Variants in SMOC1 observed in about 807,000 individuals in gnomAD.
SMOC1 encodes SPARC related modular calcium binding 1.
A neutral mutation model predicts 56.3 loss-of-function variants in SMOC1; 22 were observed. That is an observed-to-expected ratio of 0.39 (90% confidence interval 0.28 to 0.56). The LOEUF (loss-of-function observed/expected upper bound fraction) is 0.56, where lower values mean the gene tolerates loss of function less well. Ranked by LOEUF, SMOC1 falls within the 20% of genes least tolerant of loss-of-function variation. SMOC1 has a pLI of 0.61. For missense variants in SMOC1, 509 were observed against 565.4 expected (o/e 0.90, Z 1.01); for synonymous variants, 193 against 215.0 (o/e 0.90, Z 0.89).
At chr14:70,028,359 G>A (rs1886008651) in intron 11 of SMOC1, among the ~76,000 whole-genome samples, 1 of 152,158 alleles carries the variant, frequency 6.6e-6, no homozygotes, top group Non-Finnish European at 1.5e-5. Flanking sequence ...CATCCTCCCT[G>A]ATGGCTCAGA....
chr14:69,940,726 C>T (rs1387138092), intron 1 of SMOC1, among the ~76,000 whole-genome samples: 1 of 152,126 alleles, frequency 6.6e-6, no homozygotes, highest in Non-Finnish European at 1.5e-5. Flanking sequence ...CTTGTTAATA[C>T]CATCAGCTTA....
At chr14:69,967,594 G>T (rs897438458) in intron 3 of SMOC1, among the ~76,000 whole-genome samples, 4 of 152,196 alleles carry the variant, frequency 2.6e-5, no homozygotes, top group Non-Finnish European at 5.9e-5. Flanking sequence ...CTCTGCAAAA[G>T]GTAGGGGAAA....
At chr14:69,979,604 G>A (rs193193948) in intron 5 of SMOC1, among the ~76,000 whole-genome samples, 3,009 of 151,984 alleles carry the variant, frequency 0.02, 88 homozygotes, top group African/African-American at 0.069. Flanking sequence ...GTGTGTGTGT[G>A]TGTTGTTTTT....
At chr14:69,884,621 G>A (rs1883744439) in intron 1 of SMOC1, among the ~76,000 whole-genome samples, 2 of 152,180 alleles carry the variant, frequency 1.3e-5, no homozygotes, top group African/African-American at 4.8e-5. Flanking sequence ...TATGGTGAGA[G>A]ATGAGGGTCT....
chr14:69,914,604 A>T (rs1308427174), intron 1 of SMOC1, among the ~76,000 whole-genome samples: 4 of 152,024 alleles, frequency 2.6e-5, no homozygotes, highest in Non-Finnish European at 5.9e-5. Context: ...AAACAAACAA[A>T]CACAAAGCTG....
intron 1 of SMOC1, among the ~76,000 whole-genome samples, chr14:69,881,659 C>G (rs1327623252): frequency 6.6e-6 from 1 of 151,964 alleles, no homozygotes; most frequent in Non-Finnish European, 1.5e-5. Flanking sequence ...CTCTCTCACT[C>G]AAATACATAC....
At chr14:69,960,145 C>T (rs769143132) in intron 3 of SMOC1, among the ~76,000 whole-genome samples, 3 of 152,156 alleles carry the variant, frequency 2.0e-5, no homozygotes, top group Non-Finnish European at 2.9e-5. Flanking sequence ...GAAACATTGG[C>T]AGGCTGAACA....
chr14:69,880,381 G>A (rs1162683522), intron 1 of SMOC1, among the ~76,000 whole-genome samples: 2 of 152,130 alleles, frequency 1.3e-5, no homozygotes, highest in East Asian at 3.9e-4. Context: ...GGAGAGTTGC[G>A]CAATGTTCAG....
chr14:70,032,060 T>C lies in SMOC1; in HGVS notation c.*1802T>C, dbSNP rs1325353250. 1 of 152,324 alleles carries C rather than the reference T, an allele frequency of 6.6e-6. No individual in the cohort carries two copies. The highest frequency in any genetic ancestry group is 1.9e-4 in the East Asian group (1 of 5,190). 9.4% of individuals were successfully genotyped at this position (152,324 alleles called of 1,614,324 possible). A position where few individuals can be genotyped will look rare whatever the true frequency, so the allele number is the denominator to read the frequency against. On this transcript the variant is annotated 3_prime_UTR_variant, in exon 12 of 12. Coordinates refer to ENST00000361956, the MANE Select transcript of SMOC1 (RefSeq NM_001034852.3). ...TAGAGGTTATCTCAGGAATGACTGG[T>C]GGCCCTGCCCCAACGTGGAAAGGTG...
Position 70,023,304 on chromosome 14 carries a change from A to T in SMOC1, c.1148A>T (p.Glu383Val). The change falls in exon 11 of 12, where the codon GAG becomes GTG. Residue 383 changes from glutamate (E) to valine (V), a missense_variant. Around this residue, in one of 3 missense-constraint regions of SMOC1, gnomAD observed 176 missense variants for 188.1 expected, o/e 0.94. Transcript: ENST00000361956. ...SNSSNDINKR[E>V]MKPFKRYVKK... is the part of the protein sequence containing the mutation. Reference sequence around the variant, plus strand: ...AGCAGCAACGACATTAACAAGCGGGAGATGAAGCCCTTCAAGCGCTACGTG... The same window carrying T: ...AGCAGCAACGACATTAACAAGCGGGTGATGAAGCCCTTCAAGCGCTACGTG... 3.7e-6 allele frequency: 6 copies of T among 1,614,114 alleles called. No individual in the cohort carries two copies. The highest frequency in any genetic ancestry group is 5.1e-6 in the Non-Finnish European group (6 of 1,180,014).
chr14:70,016,789 C>T (rs1432029854), intron 10 of SMOC1, among the ~76,000 whole-genome samples: 2 of 152,194 alleles, frequency 1.3e-5, no homozygotes. Context: ...GTCAGTTGCT[C>T]CTAGAATTCA....
intron 7 of SMOC1, among the ~76,000 whole-genome samples, chr14:69,997,334 A>G (rs1274287180): frequency 6.6e-6 from 1 of 152,186 alleles, no homozygotes; most frequent in Admixed American, 6.5e-5. Flanking sequence ...GTTGCCAAAA[A>G]AGCATCTTGA....
At chr14:70,005,764 G>A (rs912112566) in intron 7 of SMOC1, among the ~76,000 whole-genome samples, 11 of 152,242 alleles carry the variant, frequency 7.2e-5, no homozygotes, top group African/African-American at 2.2e-4. Context: ...TTATAGGGGC[G>A]GGCGTGTGAG....
chr14:69,905,242 A>G lies in SMOC1; in HGVS notation c.99+25465A>G, dbSNP rs949666453. Among the ~76,000 whole-genome samples the G allele has an allele frequency of 2.6e-5, 4 of 152,202 alleles. No homozygotes were observed. The East Asian group carries it at 7.7e-4, about 29-fold the overall frequency. ...CAGTCCCGCCTGATGTAGGTATTTGACACCTAGCAGGAATTTCTAAGGCAG... is the reference window on the plus strand; with the variant it reads ...CAGTCCCGCCTGATGTAGGTATTTGGCACCTAGCAGGAATTTCTAAGGCAG... On this transcript the variant is annotated intron_variant, in intron 1 of 11. Transcript: ENST00000361956.
chr14:69,893,759 T>C (rs1884023862), intron 1 of SMOC1, among the ~76,000 whole-genome samples: 1 of 152,172 alleles, frequency 6.6e-6, no homozygotes, highest in African/African-American at 2.4e-5. Context: ...TGGGCTGAAT[T>C]CTATCTCCTT....
At chr14:69,993,083 G>A (rs114056448) in intron 6 of SMOC1, among the ~76,000 whole-genome samples, 1,678 of 152,296 alleles carry the variant, frequency 0.011, 32 homozygotes, top group African/African-American at 0.037. Context: ...TCCAGGCAGG[G>A]TGCTGGCATG....
At chr14:69,953,127 T>A (rs1249259882) in intron 2 of SMOC1, among the ~76,000 whole-genome samples, 1 of 148,982 alleles carries the variant, frequency 6.7e-6, no homozygotes, top group East Asian at 2.0e-4. Context: ...ATAAACCCAG[T>A]GAAAAATCAT....
chr14:69,885,881 A>G (rs1225642240), intron 1 of SMOC1: 11 of 1,601,630 alleles, frequency 6.9e-6, no homozygotes, highest in Non-Finnish European at 8.5e-6. Context: ...TTGGCGGTCC[A>G]GGGCCTGGGT....
rs150516594 is a variant in SMOC1, at chr14:69,889,191, C to T, written c.99+9414C>T. On this transcript the variant is annotated intron_variant, in intron 1 of 11. Coordinates refer to ENST00000361956, the MANE Select transcript of SMOC1 (RefSeq NM_001034852.3). ...CTGGACTCTGACCAGTGTGTCCAAC[C>T]TTACCTTCTGCTGGATACCCCCATG... Among the ~76,000 whole-genome samples the T allele has an allele frequency of 1.2e-4, 18 of 152,278 alleles. No individual in the cohort carries two copies. The East Asian group carries it at 2.9e-3, about 24-fold the overall frequency.
Sources: gnomAD v4.1 joint callset for allele counts (sites outside exome capture counted in the v4.1 genomes callset) on GRCh38, gnomAD v4.1.1 for gene constraint, gnomAD v4.1.1 regional missense constraint, MANE v1.5 for transcripts, NCBI Gene and HGNC (gene_info 2026-07-23, HGNC 2026-07-21) for gene names.